LARGE1: variants seen among roughly 807,000 people sequenced by gnomAD.
LARGE1 encodes the protein xylosyl- and glucuronyltransferase LARGE1.
LARGE1 carries 43 observed loss-of-function variants against 87.6 expected under a neutral mutation model. The observed-to-expected ratio is 0.49, with a 90% CI of 0.38 to 0.63. The LOEUF (loss-of-function observed/expected upper bound fraction) is 0.63. LARGE1 is among the 30% of genes least tolerant of loss of function. The pLI, the probability that LARGE1 is intolerant of heterozygous loss-of-function variation, is 0.00. For missense variants in LARGE1, 802 were observed against 1,000.2 expected, an observed-to-expected ratio of 0.80 and a Z score of 2.67; for synonymous variants, 434 against 394.6, an observed-to-expected ratio of 1.10 and a Z score of -1.18.
intron 3 of LARGE1, among the ~76,000 whole-genome samples, chr22:33,645,831 T>C (rs959118464): frequency 2.0e-5 from 3 of 151,952 alleles, no homozygotes; most frequent in South Asian, 2.1e-4. Flanking sequence ...CCAACAAACA[T>C]ATGAAGAAAA....
chr22:33,597,278 GAAAA>G (rs3072280), intron 5 of LARGE1, among the ~76,000 whole-genome samples: 98 of 129,298 alleles, frequency 7.6e-4, no homozygotes, highest in African/African-American at 2.2e-3. Context: ...CCTAATTCAT[GAAAA>G]AAAAAAAAAA....
chr22:33,077,070 T>A, the LARGE1 span, among the ~76,000 whole-genome samples: 1 of 152,084 alleles, frequency 6.6e-6, no homozygotes, highest in Non-Finnish European at 1.5e-5. Context: ...ATCAAAAGAG[T>A]TAATACACAA....
chr22:33,890,433 C>G (rs901874094), intron 1 of LARGE1, among the ~76,000 whole-genome samples: 1 of 151,918 alleles, frequency 6.6e-6, no homozygotes, highest in Non-Finnish European at 1.5e-5. Context: ...TTAACCCGCA[C>G]AGCAATTCTA....
intron 2 of LARGE1, among the ~76,000 whole-genome samples, chr22:33,720,613 G>GT (rs2083067074): frequency 6.6e-6 from 1 of 152,242 alleles, no homozygotes. Flanking sequence ...TTTACTGAGA[G>GT]TGACTGCACC....
At chr22:33,294,486 TG>T (rs1257229887) in intron 12 of LARGE1, among the ~76,000 whole-genome samples, 7 of 152,228 alleles carry the variant, frequency 4.6e-5, no homozygotes, top group Non-Finnish European at 8.8e-5. Flanking sequence ...AAACCTGTGC[TG>T]GAGTGTGCAT....
At chr22:33,224,288 G>GA (rs145839522) in intron 11 of LARGE1, among the ~76,000 whole-genome samples, 4,704 of 150,680 alleles carry the variant, frequency 0.031, 99 homozygotes, top group Non-Finnish European at 0.043. Flanking sequence ...AAAGAAAAAA[G>GA]AAAAAAAAAG....
chr22:33,186,296 G>A (rs1897683419), intron 11 of LARGE1, among the ~76,000 whole-genome samples: 1 of 152,116 alleles, frequency 6.6e-6, no homozygotes, highest in African/African-American at 2.4e-5. Context: ...CAAATCCAGT[G>A]ATACGTAAAA....
At chr22:33,068,418 G>C in the LARGE1 span, among the ~76,000 whole-genome samples, 19 of 152,268 alleles carry the variant, frequency 1.2e-4, no homozygotes, top group East Asian at 3.7e-3. Context: ...GGTCGAGGTG[G>C]GCAGATCACG....
chr22:33,307,825 G>A (rs1474996237), intron 11 of LARGE1, among the ~76,000 whole-genome samples: 1 of 151,744 alleles, frequency 6.6e-6, no homozygotes, highest in Non-Finnish European at 1.5e-5. Flanking sequence ...GCTGGAGGCA[G>A]TGGTGCGATC....
chr22:33,726,615 A>T (rs751569609), intron 2 of LARGE1, among the ~76,000 whole-genome samples: 5 of 152,170 alleles, frequency 3.3e-5, no homozygotes, highest in Non-Finnish European at 7.4e-5. Flanking sequence ...ATATCTGTGA[A>T]CAGCCACCTG....
At chr22:33,248,616 C>T (rs1359093943) in intron 11 of LARGE1, among the ~76,000 whole-genome samples, 1 of 152,148 alleles carries the variant, frequency 6.6e-6, no homozygotes, top group African/African-American at 2.4e-5. Context: ...TTGGTGTGGT[C>T]CATTCTGTGG....
intron 4 of LARGE1, among the ~76,000 whole-genome samples, chr22:33,625,102 C>T (rs1041621998): frequency 1.3e-5 from 2 of 152,196 alleles, no homozygotes; most frequent in Non-Finnish European, 1.5e-5. Flanking sequence ...CTGACCTCTG[C>T]AAACTTTTCA....
chr22:33,183,453 ATGAT>A (rs1923280922), intron 11 of LARGE1, among the ~76,000 whole-genome samples: 1 of 152,188 alleles, frequency 6.6e-6, no homozygotes, highest in South Asian at 2.1e-4. Context: ...GCAATACCAC[ATGAT>A]CTGGCAATCC....
the LARGE1 span, among the ~76,000 whole-genome samples, chr22:33,089,867 T>C: frequency 1.3e-5 from 2 of 152,126 alleles, no homozygotes; most frequent in Non-Finnish European, 2.9e-5. Context: ...TGAAATGAAG[T>C]CTCATTCATT....
chr22:33,688,409 T>C (rs542745546), intron 2 of LARGE1, among the ~76,000 whole-genome samples: 6 of 152,322 alleles, frequency 3.9e-5, no homozygotes, highest in African/African-American at 1.2e-4. Context: ...TGGAATGCAA[T>C]GGTGCGATCT....
At chr22:33,448,969 C>T (rs2067801520) in intron 6 of LARGE1, among the ~76,000 whole-genome samples, 1 of 152,170 alleles carries the variant, frequency 6.6e-6, no homozygotes, top group Admixed American at 6.5e-5. Context: ...TGAGCTTATT[C>T]TAGAATTTCA....
rs1938629432 is a variant in LARGE1, at chr22:33,337,673, G to A, written c.1260C>T (p.Pro420=). Residue 420 remains proline, a synonymous_variant, in exon 10 of 15, where the codon CCC becomes CCT. Transcript: ENST00000397394. The part of the protein sequence containing the change: ...NLLRRELFGC[P]SEADVNSENL... ...TTTCACTGTTGACATCAGCCTCACT[G>A]GGGCAGCCAAACAGTTCCCGCCTCA... 6.2e-7 allele frequency: 1 copy of A among 1,614,106 alleles called. No homozygotes were observed. The highest frequency in any genetic ancestry group is 8.5e-7 in the Non-Finnish European group (1 of 1,180,016).
intron 7 of LARGE1, among the ~76,000 whole-genome samples, chr22:33,420,797 T>C (rs1014946895): frequency 6.6e-6 from 1 of 152,286 alleles, no homozygotes; most frequent in Middle Eastern, 3.4e-3. Context: ...CCTGGGAGAA[T>C]GCTCAGCTCC....
chr22:33,329,211 A>G (rs1937496336), intron 10 of LARGE1, among the ~76,000 whole-genome samples: 1 of 152,190 alleles, frequency 6.6e-6, no homozygotes. Flanking sequence ...ATAGGTGAAT[A>G]ATGCAGTCAT....
Sources: allele counts gnomAD v4.1 joint callset (sites outside exome capture counted in the v4.1 genomes callset), GRCh38; gene constraint gnomAD v4.1.1; transcripts MANE v1.5; gene names NCBI Gene and HGNC (gene_info 2026-07-23, HGNC 2026-07-21).